TRPV6: variants seen among roughly 807,000 people sequenced by gnomAD.
TRPV6 encodes the protein transient receptor potential cation channel subfamily V member 6.
In TRPV6, 39 loss-of-function variants were observed where a neutral mutation model predicts 79.0. The ratio of observed to expected loss-of-function variants is 0.49; its 90% confidence interval spans 0.38 to 0.64. The LOEUF (loss-of-function observed/expected upper bound fraction) is 0.64. TRPV6 is among the 30% of genes least tolerant of loss of function. The pLI is 0.00. For synonymous variants in TRPV6, 373 were observed against 391.9 expected, an observed-to-expected ratio of 0.95 and a Z score of 0.57; for missense variants, 813 against 1,011.1, an observed-to-expected ratio of 0.80 and a Z score of 2.66.
At chr7:142,879,439 C>CT (rs1384583003) in intron 1 of TRPV6, 1 of 152,184 alleles carries the variant, frequency 6.6e-6, no homozygotes, top group Non-Finnish European at 1.5e-5. Flanking sequence ...TTCTCTTGGC[C>CT]TGGAGCCATT....
At chr7:142,881,659 T>C (rs555843715) in intron 1 of TRPV6, 5 of 152,340 alleles carry the variant, frequency 3.3e-5, no homozygotes, top group African/African-American at 9.6e-5. Context: ...AATTGAACGG[T>C]CTAGTTCAAC....
chr7:142,877,423 A>T, intron 3 of TRPV6, 144 bp from the exon 4 acceptor site: 1 of 1,480,582 alleles, frequency 6.8e-7, no homozygotes, highest in Non-Finnish European at 9.0e-7. Context: ...TTCCCAGGGG[A>T]TCCAGCTGCT....
chr7:142,880,736 G>A (rs539450213), intron 1 of TRPV6: 16 of 152,322 alleles, frequency 1.1e-4, no homozygotes, highest in African/African-American at 3.8e-4. Context: ...CAGACCCAGA[G>A]TTGCTAGAGT....
intron 14 of TRPV6, 118 bp downstream of exon 14, chr7:142,872,254 A>G (rs1794953259): frequency 9.0e-7 from 1 of 1,108,114 alleles, no homozygotes; most frequent in East Asian, 2.6e-5. Context: ...CAACAAGCAT[A>G]GAGCCTAGGG....
Position 142,875,791 on chromosome 7 carries a change from C to G in TRPV6, c.996G>C (p.Leu332=), listed in dbSNP as rs376410525. 1.9e-6 allele frequency: 3 copies of G among 1,609,984 alleles called. No individual in the cohort carries two copies. Among genetic ancestry groups the G allele is most frequent in the African/African-American group, 2.7e-5 (2 of 74,716 alleles). Residue 332 remains leucine, a synonymous_variant, in exon 7 of 15, where the codon CTG becomes CTC. Coordinates refer to ENST00000359396, the MANE Select transcript of TRPV6 (RefSeq NM_018646.6). ...TCTTGGTGGTGATGATAAGTTCCAG[C>G]AGGGACTGCTCATCCCCTGAGGAGT...
At chr7:142,875,944 G>A in intron 6 of TRPV6, 40 bp from the exon 7 acceptor site, 4 of 1,541,326 alleles carry the variant, frequency 2.6e-6, no homozygotes, top group Non-Finnish European at 3.5e-6. Context: ...AGTAAGCAAA[G>A]GGGACGGTCA....
Position 142,871,906 on chromosome 7 carries a change from T to C in TRPV6, c.2099A>G (p.Asp700Gly). 3 of 1,614,174 alleles carry C rather than the reference T, an allele frequency of 1.9e-6. No individual in the cohort carries two copies. The highest frequency in any genetic ancestry group is 2.5e-6 in the Non-Finnish European group (3 of 1,180,024). ...CTCTAGTTTTTCCACTGAGTCTTTGTCCAAATCCTCAGAGCCCCGGGTGTG... is the reference window on the plus strand; with the variant it reads ...CTCTAGTTTTTCCACTGAGTCTTTGCCCAAATCCTCAGAGCCCCGGGTGTG... The change falls in exon 15 of 15, where the codon GAC becomes GGC. Residue 700 changes from aspartate to glycine, a missense_variant. By Grantham distance (94) the Asp-to-Gly change is moderately conservative. Around this residue, in one of 3 missense-constraint regions of TRPV6, gnomAD observed 164 missense variants for 186.1 expected, o/e 0.88. Transcript: ENST00000359396.
Position 142,873,656 on chromosome 7 carries a change from G to A in TRPV6, c.1700C>T (p.Pro567Leu). The change falls in exon 13 of 15, where the codon CCC becomes CTC. Residue 567 changes from proline to leucine, a missense_variant. This residue lies in a region of TRPV6 where 94 missense variants were observed against 194.0 expected (regional missense o/e 0.48). Transcript: ENST00000359396. The surrounding 1 kb of genome is among the most constrained non-coding windows in gnomAD (Gnocchi z 4.8). The stretch of plus-strand genomic sequence containing the variant: ...CTCGAAGGTGCTGAACAGGGCCATG[G>A]GGTAGTCGTAGAAGTGGCCTAGCTC... The A allele has an allele frequency of 6.2e-7, 1 of 1,614,192 alleles. No homozygotes were observed. The highest frequency in any genetic ancestry group is 8.5e-7 in the Non-Finnish European group (1 of 1,180,034).
chr7:142,873,296 C>T lies in TRPV6; in HGVS notation c.1908+152G>A. 9.6e-7 allele frequency: 1 copy of T among 1,042,154 alleles called. No individual in the cohort carries two copies. The highest frequency in any genetic ancestry group is 1.4e-6 in the Non-Finnish European group (1 of 708,382). The allele number at this position is 1,042,154 out of a possible 1,614,324, so 64.6% of individuals were successfully genotyped here. Reference sequence around the variant, plus strand: ...AGTATTGCCTGGTTGAATTGCTAATCAGTGCTTCTGTACATTTTGCATGAT... The same window carrying T: ...AGTATTGCCTGGTTGAATTGCTAATTAGTGCTTCTGTACATTTTGCATGAT... On this transcript the variant is annotated intron_variant, in intron 13 of 14. Transcript: ENST00000359396. This position sits in a 1 kb window ranked among gnomAD's most constrained non-coding sequence, Gnocchi z 4.8.
intron 1 of TRPV6, chr7:142,880,507 T>C (rs1394602614): frequency 6.6e-6 from 1 of 152,228 alleles, no homozygotes; most frequent in African/African-American, 2.4e-5. Flanking sequence ...GTGTGAAAGA[T>C]TGATGGCAAA....
At position 142,875,866 on chromosome 7, in the gene TRPV6, C is replaced by G. The variant is rs1181979039; in HGVS notation, c.921G>C (p.Gln307His). The G allele has an allele frequency of 1.2e-6, 2 of 1,602,172 alleles. No homozygotes were observed. The highest frequency in any genetic ancestry group is 1.7e-6 in the Non-Finnish European group (2 of 1,175,034). ...TCGAGGTCAGTGGTCCATACGTCCA[C>G]TGGGTGTGCTTCCGCTTCTGCATCA... The change falls in exon 7 of 15, where the codon CAG (glutamine) becomes CAC (histidine). Residue 307 changes from glutamine (Q) to histidine (H), a missense_variant. This residue lies in a region of TRPV6 where 555 missense variants were observed against 631.0 expected (regional missense o/e 0.88). Transcript: ENST00000359396.
At chr7:142,872,935 A>C (rs1020246119) in intron 13 of TRPV6, among the ~76,000 whole-genome samples, 1 of 152,068 alleles carries the variant, frequency 6.6e-6, no homozygotes, top group Admixed American at 6.6e-5. Context: ...ATTTTTTTAG[A>C]TAAATTATTT....
Position 142,877,471 on chromosome 7 carries a change from A to C in TRPV6, c.469+180T>G, listed in dbSNP as rs146243753. 1.1e-4 allele frequency: 153 copies of C among 1,448,754 alleles called. 1 individual carries two copies. In the East Asian group the frequency reaches 3.4e-3, roughly 32 times the overall value. 89.7% of individuals were successfully genotyped at this position (1,448,754 alleles called of 1,614,324 possible). On this transcript the variant is annotated intron_variant, in intron 3 of 14. Transcript: ENST00000359396. ...CTCTTCTCTAGGCCCCTGGCATTTC[A>C]GGGGGCAGGCGTTCTAGTGATGGGC... is the stretch of plus-strand genomic sequence containing the variant.
At position 142,873,360 on chromosome 7, in the gene TRPV6, G is replaced by A; in HGVS notation, c.1908+88C>T. On this transcript the variant is annotated intron_variant, in intron 13 of 14. Transcript: ENST00000359396. This position sits in a 1 kb window ranked among gnomAD's most constrained non-coding sequence, Gnocchi z 4.8. ...CCACAACTGTCCAAACATAAGTGGGGTGGAGATATCCTGTCTCTCAGCTTG... is the reference window on the plus strand; with the variant it reads ...CCACAACTGTCCAAACATAAGTGGGATGGAGATATCCTGTCTCTCAGCTTG... The A allele has an allele frequency of 1.9e-6, 3 of 1,545,774 alleles. No individual in the cohort carries two copies. The highest frequency in any genetic ancestry group is 2.4e-5 in the South Asian group (2 of 84,346).
chr7:142,875,151 G>T lies in TRPV6; in HGVS notation c.1256C>A (p.Thr419Asn). 1 of 1,614,076 alleles carries T rather than the reference G, an allele frequency of 6.2e-7. No homozygotes were observed. Residue 419 changes from threonine (T) to asparagine (N), a missense_variant, in exon 9 of 15, where the codon ACC (threonine) becomes AAC (asparagine). Around this residue, in one of 3 missense-constraint regions of TRPV6, gnomAD observed 555 missense variants for 631.0 expected, o/e 0.88. Transcript: ENST00000359396. ...GACCAGCCGGATATCGTCCTTAGGG[G>T]TCATGTAGGCTTCCTAATGGGGGAG...
chr7:142,872,529 G>A, intron 13 of TRPV6, 51 bp from the exon 14 acceptor site: 1 of 1,562,450 alleles, frequency 6.4e-7, no homozygotes, highest in Admixed American at 1.9e-5. Context: ...GGCGCAGACA[G>A]AGGTAGGGGT....
intron 11 of TRPV6, 132 bp from the exon 12 acceptor site, chr7:142,874,274 C>A: frequency 1.7e-6 from 2 of 1,195,236 alleles, no homozygotes; most frequent in Non-Finnish European, 1.2e-6. Flanking sequence ...TATCTATGGC[C>A]TGTGGACCAG....
At position 142,878,020 on chromosome 7, in the gene TRPV6, C is replaced by T; in HGVS notation, c.255G>A (p.Trp85Ter). The change falls in exon 2 of 15, where the codon TGG becomes TGA. Residue 85 changes from tryptophan to a stop codon, truncating the protein, a stop_gained. Transcript: ENST00000359396. LOFTEE classifies it high-confidence loss of function. ...TGGCAGCTAGAAGGAGAGGAGACTC[C>T]CAGATCCTATGAAGGGATGGAATAG... The T allele has an allele frequency of 6.2e-7, 1 of 1,613,944 alleles. No individual in the cohort carries two copies. Among genetic ancestry groups the T allele is most frequent in the Non-Finnish European group, 8.5e-7 (1 of 1,179,838 alleles).
intron 11 of TRPV6, 112 bp downstream of exon 11, chr7:142,874,379 G>T: frequency 7.3e-7 from 1 of 1,368,952 alleles, no homozygotes; most frequent in Non-Finnish European, 1.0e-6. Context: ...CATGCAGTGA[G>T]GCCATGTGTG....
Sources: gnomAD v4.1 joint callset for allele counts (sites outside exome capture counted in the v4.1 genomes callset) on GRCh38, gnomAD v4.1.1 for gene constraint, gnomAD v4.1.1 regional missense constraint, Gnocchi (gnomAD v3.1) non-coding constraint, MANE v1.5 for transcripts, NCBI Gene and HGNC (gene_info 2026-07-23, HGNC 2026-07-21) for gene names.